Variants in PRORP observed in about 807,000 individuals in gnomAD.
The protein encoded by PRORP is mitochondrial ribonuclease P catalytic subunit.
In PRORP, 51 loss-of-function variants were observed where a neutral mutation model predicts 59.4. That is an observed-to-expected ratio of 0.86 (90% confidence interval 0.69 to 1.08). PRORP has a LOEUF of 1.08. Among genes scored for constraint, PRORP ranks in the 50% least tolerant of loss-of-function variants. The pLI is 0.00. For synonymous variants in PRORP, 231 were observed against 245.6 expected (o/e 0.94, Z 0.55); for missense variants, 646 against 690.3 (o/e 0.94, Z 0.72).
chr14:35,147,437 G>A (rs1445280580), intron 4 of PRORP, among the ~76,000 whole-genome samples: 1 of 152,134 alleles, frequency 6.6e-6, no homozygotes, highest in African/African-American at 2.4e-5. Flanking sequence ...CCACTTCTCA[G>A]GCTCACATGA....
intron 5 of PRORP, among the ~76,000 whole-genome samples, chr14:35,266,355 G>A (rs1447231545): frequency 1.8e-4 from 27 of 151,628 alleles, no homozygotes; most frequent in Admixed American, 1.7e-3. Context: ...CGTGGTGCAC[G>A]TCTGTGGTCC....
chr14:35,127,373 CT>C, intron 3 of PRORP, 105 bp from the exon 4 acceptor site: 1 of 795,210 alleles, frequency 1.3e-6, no homozygotes, highest in African/African-American at 1.8e-5. Flanking sequence ...TTTTAATGTT[CT>C]TTTTTATTAC....
intron 5 of PRORP, among the ~76,000 whole-genome samples, chr14:35,225,681 T>G (rs1181102973): frequency 6.6e-6 from 1 of 152,124 alleles, no homozygotes; most frequent in Non-Finnish European, 1.5e-5. Flanking sequence ...TTATGCTTTC[T>G]TTTTTGGTAG....
Position 35,276,002 on chromosome 14 carries a change from A to G in PRORP, c.*2436A>G, listed in dbSNP as rs1335368152. 2 of 152,106 alleles carry G rather than the reference A, an allele frequency of 1.3e-5. No homozygotes were observed. Among genetic ancestry groups the G allele is most frequent in the Non-Finnish European group, 2.9e-5 (2 of 68,056 alleles). 9.4% of individuals were successfully genotyped at this position (152,106 alleles called of 1,614,324 possible). A position where few individuals can be genotyped will look rare whatever the true frequency, so the allele number is the denominator to read the frequency against. Reference sequence around the variant, plus strand: ...CTAATTCCCAAATACTCTTTCTTCTACTGGCACATAGAGATGGGGGAGGAG... The same window carrying G: ...CTAATTCCCAAATACTCTTTCTTCTGCTGGCACATAGAGATGGGGGAGGAG... On this transcript the variant is annotated 3_prime_UTR_variant, in exon 8 of 8. Transcript: ENST00000534898.
intron 5 of PRORP, among the ~76,000 whole-genome samples, chr14:35,261,502 G>C (rs931606483): frequency 6.6e-6 from 1 of 152,132 alleles, no homozygotes. Flanking sequence ...AGGCCAAGGC[G>C]GGCAGATCAC....
intron 4 of PRORP, among the ~76,000 whole-genome samples, chr14:35,170,233 TG>T (rs1394119924): frequency 2.6e-4 from 40 of 152,304 alleles, no homozygotes; most frequent in African/African-American, 9.6e-4. Context: ...TTTATAAGGT[TG>T]GATTTAAGCA....
chr14:35,180,918 A>G (rs554648975), intron 5 of PRORP, 141 bp downstream of exon 5: 4 of 603,538 alleles, frequency 6.6e-6, no homozygotes, highest in South Asian at 2.0e-5. Context: ...GACCAACTGC[A>G]TGCTCCCCTA....
chr14:35,175,931 A>G (rs2048437889), intron 4 of PRORP, among the ~76,000 whole-genome samples: 1 of 152,172 alleles, frequency 6.6e-6, no homozygotes, highest in Non-Finnish European at 1.5e-5. Flanking sequence ...GGTGTAAGGA[A>G]GGGATCCAGT....
At position 35,276,096 on chromosome 14, in the gene PRORP, C is replaced by T. The variant is rs2051290923; in HGVS notation, c.*2530C>T. The T allele has an allele frequency of 6.6e-6, 1 of 152,410 alleles. No individual in the cohort carries two copies. The allele number at this position is 152,410 out of a possible 1,614,324, so 9.4% of individuals were successfully genotyped here. ...GGCCAAATGGGAGAATTGCTTGAAGCCAGGAGTTGGAGACCAGCCTAGGCA... is the reference window on the plus strand; with the variant it reads ...GGCCAAATGGGAGAATTGCTTGAAGTCAGGAGTTGGAGACCAGCCTAGGCA... On this transcript the variant is annotated 3_prime_UTR_variant, in exon 8 of 8. Transcript: ENST00000534898.
intron 5 of PRORP, among the ~76,000 whole-genome samples, chr14:35,256,999 A>G (rs2050779043): frequency 6.6e-6 from 1 of 151,760 alleles, no homozygotes; most frequent in African/African-American, 2.4e-5. Context: ...CGGCCTCCCA[A>G]GTAGCTGGGA....
intron 5 of PRORP, among the ~76,000 whole-genome samples, chr14:35,218,236 G>A (rs1212370830): frequency 6.6e-6 from 1 of 151,774 alleles, no homozygotes; most frequent in African/African-American, 2.4e-5. Flanking sequence ...GAGGTGGGAG[G>A]ATCACTTGAG....
At chr14:35,236,554 A>T (rs145452770) in intron 5 of PRORP, among the ~76,000 whole-genome samples, 28 of 152,274 alleles carry the variant, frequency 1.8e-4, no homozygotes, top group African/African-American at 6.7e-4. Flanking sequence ...TGATGAACAT[A>T]TTTTAGTCTT....
intron 5 of PRORP, among the ~76,000 whole-genome samples, chr14:35,189,830 G>T (rs760491157): frequency 6.6e-6 from 1 of 152,158 alleles, no homozygotes; most frequent in African/African-American, 2.4e-5. Context: ...AGCATAGCAG[G>T]CTGGGCATAG....
rs375000219 is a variant in PRORP, at chr14:35,204,481, G to A, written c.1275+23704G>A. Among the ~76,000 whole-genome samples, 15 of 152,210 alleles carry A rather than the reference G, an allele frequency of 9.9e-5. No homozygotes were observed. In the East Asian group the frequency reaches 1.2e-3, roughly 12 times the overall value. On this transcript the variant is annotated intron_variant, in intron 5 of 7. Coordinates refer to ENST00000534898, the MANE Select transcript of PRORP (RefSeq NM_014672.4). ...ACCAAATTTATTTAGCCTGTCTTCA[G>A]TGACCACAACTACATTGATCTGAAC...
At chr14:35,240,294 C>CTTTTTTT (rs3058452) in intron 5 of PRORP, among the ~76,000 whole-genome samples, 1 of 109,426 alleles carries the variant, frequency 9.1e-6, no homozygotes, top group Non-Finnish European at 1.8e-5. Context: ...TTTAAACCAT[C>CTTTTTTT]TTTTTTTTTT....
chr14:35,197,700 A>G (rs370069907), intron 5 of PRORP, among the ~76,000 whole-genome samples: 2 of 152,200 alleles, frequency 1.3e-5, no homozygotes, highest in African/African-American at 4.8e-5. Context: ...CTGCCAACTC[A>G]AGTGGATACT....
chr14:35,178,892 C>G (rs2048524842), intron 4 of PRORP, among the ~76,000 whole-genome samples: 2 of 152,226 alleles, frequency 1.3e-5, no homozygotes, highest in South Asian at 4.1e-4. Flanking sequence ...TTGTATCTTT[C>G]CACGTTTAGT....
intron 4 of PRORP, among the ~76,000 whole-genome samples, chr14:35,177,331 C>T (rs968152997): frequency 6.6e-6 from 1 of 152,036 alleles, no homozygotes; most frequent in Non-Finnish European, 1.5e-5. Context: ...CCAGCTCCTC[C>T]TTGTACCTCT....
chr14:35,223,702 G>A (rs544007352), intron 5 of PRORP, among the ~76,000 whole-genome samples: 9 of 151,962 alleles, frequency 5.9e-5, no homozygotes, highest in East Asian at 5.8e-4. Context: ...CTCGTGATCC[G>A]CCTGCCTCAG....
Sources: allele counts gnomAD v4.1 joint callset (sites outside exome capture counted in the v4.1 genomes callset), GRCh38; gene constraint gnomAD v4.1.1; transcripts MANE v1.5; gene names NCBI Gene and HGNC (gene_info 2026-07-23, HGNC 2026-07-21).